TCL1B: variants seen among roughly 807,000 people sequenced by gnomAD.
TCL1B encodes TCL1 family AKT coactivator B, also known as T-cell leukemia/lymphoma protein 1B.
A neutral mutation model predicts 16.9 loss-of-function variants in TCL1B; 14 were observed. The observed-to-expected ratio is 0.83, with a 90% CI of 0.55 to 1.30. TCL1B has a LOEUF of 1.30. Among genes scored for constraint, TCL1B ranks in the 50% most tolerant of loss-of-function variants. TCL1B has a pLI of 0.00. For missense variants in TCL1B, 166 were observed against 165.2 expected (o/e 1.00, Z -0.03); for synonymous variants, 79 against 66.6 (o/e 1.19, Z -0.91).
chr14:95,690,853 AG>A lies in TCL1B; in HGVS notation c.282del (p.Lys95SerfsTer12). On this transcript the variant is annotated frameshift_variant, in exon 2 of 4. Transcript: ENST00000340722. LOFTEE classifies it high-confidence loss of function. ...CGCCGTGTGGCAGCTCTACCCCGGGAGGAAGTACCGAGCAGCGGATTCCAGT... is the reference window on the plus strand; with the variant it reads ...CGCCGTGTGGCAGCTCTACCCCGGGAGAAGTACCGAGCAGCGGATTCCAGT... Reference protein sequence around the residue: ...LPAVWQLYPGRKYRAADSSFW... With the variant: ...LPAVWQLYPGXKYRAADSSFW... The A allele has an allele frequency of 1.2e-6, 2 of 1,614,134 alleles. No homozygotes were observed. The highest frequency in any genetic ancestry group is 1.7e-6 in the Non-Finnish European group (2 of 1,180,004).
chr14:95,690,902 G>A lies in TCL1B; in HGVS notation c.329G>A (p.Gly110Asp), dbSNP rs763701340. 1.9e-6 allele frequency: 3 copies of A among 1,613,464 alleles called. No homozygotes were observed. In the South Asian group the frequency reaches 3.3e-5, roughly 18 times the overall value. ...DSSFWEIADH[G>D]QIDSMEQLVL... The stretch of plus-strand genomic sequence containing the variant: ...AGTTTCTGGGAAATAGCAGACCATG[G>A]CCAGGCAAGTGTGTGGTGGTTCTAG... Residue 110 changes from glycine (G) to aspartate (D), a missense_variant, in exon 2 of 4, where the codon GGC (glycine) becomes GAC (aspartate). Coordinates refer to ENST00000340722, the MANE Select transcript of TCL1B (RefSeq NM_004918.4).
intron 1 of TCL1B, among the ~76,000 whole-genome samples, 194 bp downstream of exon 1, chr14:95,686,823 C>A (rs1459774907): frequency 1.3e-5 from 2 of 152,204 alleles, no homozygotes; most frequent in South Asian, 4.1e-4. Flanking sequence ...GGACCACAGG[C>A]ACAAGCTTAT....
rs560828077 is a variant in TCL1B, at chr14:95,691,640, G to A, written c.*16-291G>A. 1.1e-5 allele frequency: 3 copies of A among 266,710 alleles called. 1 individual carries two copies. The South Asian group carries it at 1.7e-4, about 15-fold the overall frequency. The allele number at this position is 266,710 out of a possible 1,614,324, so 16.5% of individuals were successfully genotyped here. On this transcript the variant is annotated intron_variant, in intron 3 of 3. Coordinates refer to ENST00000340722, the MANE Select transcript of TCL1B (RefSeq NM_004918.4). ...TCACGACGAAAAGACAAGACTCTGG[G>A]GATGGGAATGACTTCCTCGAGACCA...
At chr14:95,687,101 C>G (rs796768874) in intron 1 of TCL1B, among the ~76,000 whole-genome samples, 9 of 152,306 alleles carry the variant, frequency 5.9e-5, no homozygotes, top group African/African-American at 2.2e-4. Context: ...AATAATATAC[C>G]TCTGTGGCAA....
Position 95,691,420 on chromosome 14 carries a change from C to G in TCL1B, c.*15+84C>G, listed in dbSNP as rs1595341743. On this transcript the variant is annotated intron_variant, in intron 3 of 3. Coordinates refer to ENST00000340722, the MANE Select transcript of TCL1B (RefSeq NM_004918.4). ...CCTCTTTTCAGAAAGACGGCGTGGC[C>G]TCCTCCTCCCTGCTGTTTGCTGAGA... is the stretch of plus-strand genomic sequence containing the variant. The G allele has an allele frequency of 3.2e-6, 4 of 1,259,892 alleles. No homozygotes were observed. In the East Asian group the frequency reaches 7.2e-5, roughly 23 times the overall value. 78.0% of individuals were successfully genotyped at this position (1,259,892 alleles called of 1,614,324 possible). A position where few individuals can be genotyped will look rare whatever the true frequency, so the allele number is the denominator to read the frequency against.
intron 1 of TCL1B, among the ~76,000 whole-genome samples, chr14:95,688,978 C>A (rs1885818101): frequency 6.6e-6 from 1 of 152,186 alleles, no homozygotes; most frequent in African/African-American, 2.4e-5. Context: ...CACTTAATGC[C>A]ACCAAACTGT....
intron 2 of TCL1B, 61 bp from the exon 3 acceptor site, chr14:95,691,207 C>T (rs1465651288): frequency 1.7e-5 from 27 of 1,581,120 alleles, no homozygotes; most frequent in African/African-American, 4.0e-5. Flanking sequence ...CATGGGCGGC[C>T]GTTAAGGCCA....
intron 1 of TCL1B, among the ~76,000 whole-genome samples, chr14:95,687,300 C>G (rs867309160): frequency 2.4e-4 from 36 of 152,284 alleles, no homozygotes; most frequent in Middle Eastern, 3.4e-3. Context: ...GGCTTTAGAT[C>G]ACAGCCAGTC....
chr14:95,689,420 C>T (rs1332456954), intron 1 of TCL1B: 1 of 151,350 alleles, frequency 6.6e-6, no homozygotes, highest in Non-Finnish European at 1.5e-5. Context: ...AGTATTTTTT[C>T]CCCTTCTTTC....
chr14:95,690,528 T>C (rs1885855940), intron 1 of TCL1B, among the ~76,000 whole-genome samples: 1 of 151,776 alleles, frequency 6.6e-6, no homozygotes, highest in Admixed American at 6.6e-5. Flanking sequence ...GGGATTGCAG[T>C]GGGGCGAGGC....
intron 1 of TCL1B, among the ~76,000 whole-genome samples, chr14:95,687,876 C>T (rs966381756): frequency 1.3e-4 from 18 of 138,910 alleles, no homozygotes; most frequent in Middle Eastern, 4.3e-3. Context: ...GGCGTGAACC[C>T]GGGAGGCGAA....
intron 1 of TCL1B, chr14:95,688,076 A>G (rs1006044628): frequency 6.0e-5 from 9 of 150,724 alleles, no homozygotes; most frequent in African/African-American, 2.0e-4. Flanking sequence ...GCTCACTGCA[A>G]CCTCCACCTC....
intron 3 of TCL1B, 54 bp downstream of exon 3, chr14:95,691,390 C>T: frequency 6.5e-7 from 1 of 1,537,640 alleles, no homozygotes; most frequent in South Asian, 1.2e-5. Flanking sequence ...AGTGAGAAGA[C>T]CTCTCCTCTT....
At position 95,686,529 on chromosome 14, in the gene TCL1B, C is replaced by T. The variant is rs763997349; in HGVS notation, c.62C>T (p.Pro21Leu). The T allele has an allele frequency of 3.7e-6, 6 of 1,613,842 alleles. No individual in the cohort carries two copies. The African/African-American group carries it at 8.0e-5, about 22-fold the overall frequency. The change falls in exon 1 of 4, where the codon CCT becomes CTT. Residue 21 changes from proline to leucine, a missense_variant. Physicochemically the swap from Pro to Leu is moderately conservative, Grantham distance 98 (BLOSUM62 -3). Transcript: ENST00000340722. ...CCTGGCCGTCTGTGGATCCAGAGGCCTGGCATCTACGAAGATGAGGAGGGG... is the reference window on the plus strand; with the variant it reads ...CCTGGCCGTCTGTGGATCCAGAGGCTTGGCATCTACGAAGATGAGGAGGGG... ...VPPGRLWIQRPGIYEDEEGRT... is the reference protein window; with the variant it reads ...VPPGRLWIQRLGIYEDEEGRT...
chr14:95,686,458 C>G lies in TCL1B; in HGVS notation c.-10C>G. ...TGAGCCTAGAGGCGGGTCCCGGTTG[C>G]AGACTTGCCATGGCCTCCGAAGCTT... On this transcript the variant is annotated 5_prime_UTR_variant, in exon 1 of 4. Coordinates refer to ENST00000340722, the MANE Select transcript of TCL1B (RefSeq NM_004918.4). 6.3e-7 allele frequency: 1 copy of G among 1,579,390 alleles called. No individual in the cohort carries two copies. The highest frequency in any genetic ancestry group is 8.6e-7 in the Non-Finnish European group (1 of 1,164,184).
rs8018288 is a variant in TCL1B at position 95,690,435 on chromosome 14, C to T, written c.163-301C>T. 2.2e-3 allele frequency among the ~76,000 whole-genome samples: 328 copies of T among 152,158 alleles called. 1 individual carries two copies. Among genetic ancestry groups the T allele is most frequent in the Non-Finnish European group, 3.2e-3 (221 of 68,008 alleles). ...TTTAAAACGAAGATTTAAAAAATTA[C>T]GGCAATGGCAGAGATGGAGCCCCAA... On this transcript the variant is annotated intron_variant, in intron 1 of 3. Coordinates refer to ENST00000340722, the MANE Select transcript of TCL1B (RefSeq NM_004918.4).
chr14:95,689,400 C>G (rs944875976), intron 1 of TCL1B: 14 of 151,854 alleles, frequency 9.2e-5, no homozygotes, highest in Non-Finnish European at 1.8e-4. Context: ...GATAAGGGAC[C>G]TACTTAGTAA....
At chr14:95,686,929 T>G (rs1187521786) in intron 1 of TCL1B, among the ~76,000 whole-genome samples, 1 of 152,070 alleles carries the variant, frequency 6.6e-6, no homozygotes, top group African/African-American at 2.4e-5. Flanking sequence ...GGCCCACAAA[T>G]GGGGCAGCTA....
intron 1 of TCL1B, among the ~76,000 whole-genome samples, 193 bp downstream of exon 1, chr14:95,686,822 G>A (rs1449652698): frequency 6.6e-6 from 1 of 152,218 alleles, no homozygotes; most frequent in African/African-American, 2.4e-5. Context: ...GGGACCACAG[G>A]CACAAGCTTA....
Sources: gnomAD v4.1 joint callset for allele counts (sites outside exome capture counted in the v4.1 genomes callset) on GRCh38, gnomAD v4.1.1 for gene constraint, MANE v1.5 for transcripts, NCBI Gene and HGNC (gene_info 2026-07-23, HGNC 2026-07-21) for gene names.